The following LRRTM4 variants were observed in gnomAD, a reference collection of about 807,000 sequenced individuals.
LRRTM4 encodes leucine rich repeat transmembrane neuronal 4.
A neutral mutation model predicts 47.6 loss-of-function variants in LRRTM4; 25 were observed. That is an observed-to-expected ratio of 0.53 (90% CI 0.38 to 0.73). LRRTM4 has a LOEUF of 0.73. Among genes scored for constraint, LRRTM4 ranks in the 30% least tolerant of loss-of-function variants. LRRTM4 has a pLI of 0.00. For missense variants in LRRTM4, 638 were observed against 713.4 expected, an observed-to-expected ratio of 0.89 and a Z score of 1.20; for synonymous variants, 311 against 269.5, an observed-to-expected ratio of 1.15 and a Z score of -1.51.
At chr2:77,447,047 A>T (rs1676079779) in intron 3 of LRRTM4, among the ~76,000 whole-genome samples, 1 of 152,086 alleles carries the variant, frequency 6.6e-6, no homozygotes, top group South Asian at 2.1e-4. Flanking sequence ...TTTTAAACAT[A>T]TTACCAGAGG....
chr2:77,186,689 C>T (rs557520423), intron 3 of LRRTM4, among the ~76,000 whole-genome samples: 2 of 152,246 alleles, frequency 1.3e-5, no homozygotes, highest in South Asian at 4.1e-4. Context: ...GAAGCAACTT[C>T]TTCCCTGTGT....
chr2:77,482,274 T>G (rs1455027353), intron 3 of LRRTM4, among the ~76,000 whole-genome samples: 1 of 152,312 alleles, frequency 6.6e-6, no homozygotes, highest in Non-Finnish European at 1.5e-5. Context: ...GAACACTTAT[T>G]TCTCATTTGA....
chr2:77,031,869 T>C (rs1678671152), intron 3 of LRRTM4, among the ~76,000 whole-genome samples: 1 of 152,164 alleles, frequency 6.6e-6, no homozygotes, highest in Non-Finnish European at 1.5e-5. Context: ...TCTTCCTGAA[T>C]GTCTATCTTC....
chr2:77,167,615 T>C (rs1016386788), intron 3 of LRRTM4, among the ~76,000 whole-genome samples: 9 of 152,182 alleles, frequency 5.9e-5, no homozygotes, highest in Non-Finnish European at 1.0e-4. Context: ...CGGAATACTA[T>C]GCAGCCATAA....
intron 3 of LRRTM4, among the ~76,000 whole-genome samples, chr2:77,050,289 G>A (rs1452934223): frequency 2.0e-5 from 3 of 152,104 alleles, no homozygotes; most frequent in African/African-American, 7.2e-5. Flanking sequence ...GGAGGTAATA[G>A]GCTGCTACCA....
chr2:77,291,796 A>G (rs1676830536), intron 3 of LRRTM4, among the ~76,000 whole-genome samples: 1 of 152,058 alleles, frequency 6.6e-6, no homozygotes, highest in Admixed American at 6.6e-5. Context: ...AAAACACATC[A>G]TGTCTAAAAC....
At chr2:77,373,106 T>TACGCACACAC in intron 3 of LRRTM4, among the ~76,000 whole-genome samples, 1 of 146,752 alleles carries the variant, frequency 6.8e-6, no homozygotes, top group Non-Finnish European at 1.5e-5. Context: ...TATATATATA[T>TACGCACACAC]ATACGCACAC....
intron 3 of LRRTM4, among the ~76,000 whole-genome samples, chr2:77,417,002 G>A (rs1383851093): frequency 6.6e-6 from 1 of 151,944 alleles, no homozygotes; most frequent in African/African-American, 2.4e-5. Context: ...CATCTGACAA[G>A]GGGCTAATAT....
chr2:76,933,346 T>G (rs1674835700), intron 3 of LRRTM4, among the ~76,000 whole-genome samples: 1 of 152,146 alleles, frequency 6.6e-6, no homozygotes, highest in Non-Finnish European at 1.5e-5. Context: ...TGTTTCTCTG[T>G]GCAAAAATAG....
chr2:76,964,905 C>A (rs1414460443), intron 3 of LRRTM4, among the ~76,000 whole-genome samples: 4 of 150,228 alleles, frequency 2.7e-5, no homozygotes, highest in African/African-American at 7.3e-5. Flanking sequence ...CAAAAGAGTA[C>A]AACAAACAAC....
intron 3 of LRRTM4, among the ~76,000 whole-genome samples, chr2:77,137,808 A>G (rs930187569): frequency 6.6e-6 from 1 of 152,164 alleles, no homozygotes; most frequent in African/African-American, 2.4e-5. Flanking sequence ...AAACAAAAAA[A>G]GGCAGGATTT....
intron 3 of LRRTM4, among the ~76,000 whole-genome samples, chr2:76,996,296 C>G (rs1367653311): frequency 6.6e-6 from 1 of 151,962 alleles, no homozygotes; most frequent in Non-Finnish European, 1.5e-5. Flanking sequence ...TGAATTTAAA[C>G]AAAACCTCTG....
chr2:77,060,747 A>T (rs932516927), intron 3 of LRRTM4, among the ~76,000 whole-genome samples: 5 of 152,162 alleles, frequency 3.3e-5, no homozygotes, highest in African/African-American at 4.8e-5. Context: ...AGTGCAATGT[A>T]TCTTAAGATG....
intron 3 of LRRTM4, among the ~76,000 whole-genome samples, chr2:77,351,554 A>T (rs1671776809): frequency 6.6e-6 from 1 of 150,928 alleles, no homozygotes; most frequent in East Asian, 1.9e-4. Context: ...TTTCCATGAG[A>T]TATTTTTAAA....
At chr2:77,062,136 CTT>C (rs1679806467) in intron 3 of LRRTM4, among the ~76,000 whole-genome samples, 1 of 152,094 alleles carries the variant, frequency 6.6e-6, no homozygotes, top group Non-Finnish European at 1.5e-5. Flanking sequence ...GAAAGATCCA[CTT>C]TTTCTTTTTT....
At chr2:77,388,463 G>T (rs1673374090) in intron 3 of LRRTM4, among the ~76,000 whole-genome samples, 1 of 152,102 alleles carries the variant, frequency 6.6e-6, no homozygotes, top group Non-Finnish European at 1.5e-5. Context: ...TTCATTCATT[G>T]TCTCTTTTCT....
chr2:77,137,381 G>T (rs1028607624), intron 3 of LRRTM4, among the ~76,000 whole-genome samples: 1 of 151,720 alleles, frequency 6.6e-6, no homozygotes, highest in Non-Finnish European at 1.5e-5. Flanking sequence ...ACTAAGCTTC[G>T]TAAGTGAAGG....
chr2:77,287,374 T>A (rs78751551), intron 3 of LRRTM4, among the ~76,000 whole-genome samples: 1 of 151,918 alleles, frequency 6.6e-6, no homozygotes, highest in Non-Finnish European at 1.5e-5. Context: ...TATCTACTCA[T>A]GCTTTACCTT....
rs12475922 is a variant in LRRTM4, at chr2:76,784,270, G to A, written c.1552-35354C>T. 4.5e-3 allele frequency among the ~76,000 whole-genome samples: 689 copies of A among 152,044 alleles called. 6 individuals carry two copies. Among genetic ancestry groups the A allele is most frequent in the Non-Finnish European group, 8.0e-3 (540 of 67,890 alleles). Reference sequence around the variant, plus strand: ...ATAAATAAATCATAGTACATTAAGCGATGCTTTATAATCCTATGCATACTT... The same window carrying A: ...ATAAATAAATCATAGTACATTAAGCAATGCTTTATAATCCTATGCATACTT... On this transcript the variant is annotated intron_variant, in intron 3 of 3. Transcript: ENST00000409884.
Sources: gnomAD v4.1 joint callset for allele counts (sites outside exome capture counted in the v4.1 genomes callset) on GRCh38, gnomAD v4.1.1 for gene constraint, MANE v1.5 for transcripts, NCBI Gene and HGNC (gene_info 2026-07-23, HGNC 2026-07-21) for gene names.